The following SHISA6 variants were observed in gnomAD, a reference collection of about 807,000 sequenced individuals.
SHISA6 encodes the protein shisa family member 6.
Under a neutral mutation model 47.9 loss-of-function variants are expected in SHISA6, and 22 were observed. That is an observed-to-expected ratio of 0.46 (90% CI 0.33 to 0.66). The LOEUF (loss-of-function observed/expected upper bound fraction) is 0.66. Among genes scored for constraint, SHISA6 ranks in the 30% least tolerant of loss-of-function variants. The pLI, the probability that SHISA6 is intolerant of heterozygous loss-of-function variation, is 0.02. For synonymous variants in SHISA6, 388 were observed against 337.8 expected, an observed-to-expected ratio of 1.15 and a Z score of -1.63; for missense variants, 680 against 764.6, an observed-to-expected ratio of 0.89 and a Z score of 1.30.
intron 3 of SHISA6, among the ~76,000 whole-genome samples, chr17:11,449,607 C>T (rs570804483): frequency 6.6e-6 from 1 of 152,108 alleles, no homozygotes; most frequent in South Asian, 2.1e-4. Context: ...GAGAAATCAA[C>T]CAAGGAAGGA....
intron 3 of SHISA6, among the ~76,000 whole-genome samples, chr17:11,493,577 G>A (rs553745027): frequency 8.6e-5 from 13 of 151,944 alleles, no homozygotes; most frequent in Admixed American, 3.3e-4. Flanking sequence ...ACACGCGTGC[G>A]CGCGCACACA....
intron 2 of SHISA6, among the ~76,000 whole-genome samples, chr17:11,312,400 T>A (rs1910370794): frequency 6.6e-6 from 1 of 152,226 alleles, no homozygotes; most frequent in African/African-American, 2.4e-5. Flanking sequence ...TGGTTTTTAA[T>A]TAGTCAATTT....
intron 2 of SHISA6, among the ~76,000 whole-genome samples, chr17:11,314,585 G>T (rs180718318): frequency 1.3e-5 from 2 of 148,206 alleles, no homozygotes; most frequent in South Asian, 2.2e-4. Context: ...CCCCAGGCTC[G>T]AGTACAATGG....
intron 3 of SHISA6, among the ~76,000 whole-genome samples, chr17:11,456,338 A>G (rs1336618334): frequency 6.6e-6 from 1 of 152,034 alleles, no homozygotes; most frequent in Non-Finnish European, 1.5e-5. Flanking sequence ...TTCCCAGGGG[A>G]GTTCTCCTCT....
chr17:11,440,636 A>G (rs116100638), intron 3 of SHISA6, among the ~76,000 whole-genome samples: 217 of 147,138 alleles, frequency 1.5e-3, no homozygotes, highest in African/African-American at 5.2e-3. Flanking sequence ...CCATCATCCA[A>G]TGTAGATGAG....
intron 3 of SHISA6, among the ~76,000 whole-genome samples, chr17:11,451,629 T>C (rs781566796): frequency 1.3e-5 from 2 of 152,130 alleles, no homozygotes; most frequent in Non-Finnish European, 2.9e-5. Flanking sequence ...AGAGGCGACA[T>C]TGGAGTTGCC....
At chr17:11,325,042 G>A (rs993296881) in intron 2 of SHISA6, among the ~76,000 whole-genome samples, 6 of 152,038 alleles carry the variant, frequency 3.9e-5, no homozygotes, top group East Asian at 1.9e-4. Context: ...TTTCTTACCC[G>A]GTAAGGGTCA....
intron 3 of SHISA6, among the ~76,000 whole-genome samples, chr17:11,393,733 A>C (rs1400184649): frequency 1.3e-5 from 2 of 152,188 alleles, no homozygotes; most frequent in Non-Finnish European, 2.9e-5. Context: ...TCTGTGGTAA[A>C]AAACATGACT....
intron 3 of SHISA6, among the ~76,000 whole-genome samples, chr17:11,520,047 G>A (rs1723022710): frequency 7.4e-6 from 1 of 135,428 alleles, no homozygotes; most frequent in Non-Finnish European, 1.6e-5. Flanking sequence ...TTTTATCTAG[G>A]GTAATTCATC....
intron 3 of SHISA6, among the ~76,000 whole-genome samples, chr17:11,449,184 G>A (rs965453129): frequency 5.9e-5 from 9 of 152,256 alleles, no homozygotes; most frequent in African/African-American, 1.9e-4. Flanking sequence ...GCTCATGCCT[G>A]TAATCCTAGC....
At chr17:11,437,107 G>A (rs1914962572) in intron 3 of SHISA6, among the ~76,000 whole-genome samples, 1 of 152,330 alleles carries the variant, frequency 6.6e-6, no homozygotes, top group South Asian at 2.1e-4. Context: ...GAGAAGGAAA[G>A]AGACAAAGAT....
chr17:11,559,046 A>G lies in SHISA6; in HGVS notation c.*742A>G. ...CCTTCCAGCTGACTGCCCGCCCATA[A>G]GGACCCTGGGCCTGTCCTTTCAGCG... On this transcript the variant is annotated 3_prime_UTR_variant, in exon 6 of 6. Transcript: ENST00000441885. This position sits in a 1 kb window ranked among gnomAD's most constrained non-coding sequence, Gnocchi z 4.4. 6.5e-6 allele frequency: 1 copy of G among 152,872 alleles called. No individual in the cohort carries two copies. The highest frequency in any genetic ancestry group is 1.5e-5 in the Non-Finnish European group (1 of 68,294). 9.5% of individuals were successfully genotyped at this position (152,872 alleles called of 1,614,324 possible). A position where few individuals can be genotyped will look rare whatever the true frequency, so the allele number is the denominator to read the frequency against.
chr17:11,284,092 A>C (rs1337557717), intron 2 of SHISA6, among the ~76,000 whole-genome samples: 2 of 152,258 alleles, frequency 1.3e-5, no homozygotes, highest in East Asian at 3.9e-4. Context: ...ATTTACATGC[A>C]CTTGTACAAA....
intron 3 of SHISA6, among the ~76,000 whole-genome samples, chr17:11,514,479 C>T (rs547757008): frequency 1.3e-5 from 2 of 152,240 alleles, no homozygotes; most frequent in Admixed American, 1.3e-4. Context: ...CCATTTTAGC[C>T]GCTCTGAAAT....
intron 3 of SHISA6, among the ~76,000 whole-genome samples, chr17:11,525,654 A>AAC: frequency 2.9e-5 from 1 of 34,530 alleles, no homozygotes; most frequent in Non-Finnish European, 5.8e-5. Context: ...AAAAAAAACA[A>AAC]AAAAAAAAAA....
chr17:11,289,266 A>G (rs1909434210), intron 2 of SHISA6: 1 of 151,948 alleles, frequency 6.6e-6, no homozygotes, highest in South Asian at 2.1e-4. Context: ...GGACTGCAAA[A>G]CCAATTTTGT....
intron 3 of SHISA6, among the ~76,000 whole-genome samples, chr17:11,459,064 A>C (rs1915630629): frequency 6.6e-6 from 1 of 151,656 alleles, no homozygotes; most frequent in South Asian, 2.1e-4. Context: ...AAAAAATGCA[A>C]AAAAATTAGC....
chr17:11,520,268 C>T (rs888716303), intron 3 of SHISA6, among the ~76,000 whole-genome samples: 1 of 152,184 alleles, frequency 6.6e-6, no homozygotes, highest in African/African-American at 2.4e-5. Flanking sequence ...CAACTGTGCG[C>T]CCAACAAATT....
intron 3 of SHISA6, among the ~76,000 whole-genome samples, chr17:11,461,755 T>C (rs911280573): frequency 5.3e-5 from 8 of 152,072 alleles, no homozygotes; most frequent in African/African-American, 1.9e-4. Flanking sequence ...TAGAGAGTAG[T>C]TCAGAGTTTG....
Sources: allele counts gnomAD v4.1 joint callset (sites outside exome capture counted in the v4.1 genomes callset), GRCh38; gene constraint gnomAD v4.1.1; non-coding constraint Gnocchi (gnomAD v3.1); transcripts MANE v1.5; gene names NCBI Gene and HGNC (gene_info 2026-07-23, HGNC 2026-07-21).